The following C6 variants were observed in gnomAD, a reference collection of about 807,000 sequenced individuals.
C6 encodes complement component C6.
A neutral mutation model predicts 112.9 loss-of-function variants in C6; 101 were observed. That is an observed-to-expected ratio of 0.89 (90% CI 0.76 to 1.06). C6 has a LOEUF of 1.06. C6 is among the 50% of genes least tolerant of loss of function. The pLI is 0.00. For synonymous variants in C6, 431 were observed against 384.1 expected (o/e 1.12, Z -1.43); for missense variants, 1,202 against 1,104.6 (o/e 1.09, Z -1.25).
chr5:41,172,008 G>T (rs985639813), intron 9 of C6, among the ~76,000 whole-genome samples: 1 of 152,248 alleles, frequency 6.6e-6, no homozygotes, highest in South Asian at 2.1e-4. Context: ...TCATTAAACA[G>T]CCTAAGTATG....
intron 1 of C6, among the ~76,000 whole-genome samples, chr5:41,208,794 AAGG>A (rs945931224): frequency 1.3e-5 from 2 of 152,122 alleles, no homozygotes; most frequent in African/African-American, 2.4e-5. Context: ...CCAGAGGTAC[AAGG>A]AGGAGCTGGT....
upstream of C6, chr5:41,213,673 A>AAGGGCTATTG (rs1752076962): frequency 2.9e-6 from 1 of 350,560 alleles, no homozygotes. Context: ...TTTTCAATTC[A>AAGGGCTATTG]AGGGCTATTG....
chr5:41,226,436 TAA>T (rs1273123188), intron 1 of C6, among the ~76,000 whole-genome samples: 1 of 152,146 alleles, frequency 6.6e-6, no homozygotes, highest in East Asian at 1.9e-4. Flanking sequence ...TGGCGATCAT[TAA>T]AAAGTCAGGA....
chr5:41,144,580 T>G (rs1189301282), intron 17 of C6, among the ~76,000 whole-genome samples: 1 of 152,196 alleles, frequency 6.6e-6, no homozygotes, highest in Non-Finnish European at 1.5e-5. Flanking sequence ...TTTTCTCTTT[T>G]TTCTTTTTCT....
intron 1 of C6, among the ~76,000 whole-genome samples, chr5:41,245,497 G>C (rs868333840): frequency 6.2e-5 from 4 of 64,726 alleles, no homozygotes; most frequent in Non-Finnish European, 6.8e-5. Context: ...CTCCAGCCTG[G>C]GCAAAAAGAA....
chr5:41,180,269 T>C (rs6883180), intron 7 of C6, among the ~76,000 whole-genome samples: 55,197 of 152,008 alleles, frequency 0.36, 10,315 homozygotes, highest in Non-Finnish European at 0.41. Context: ...GTACCTCTAT[T>C]TCCTCCCTCT....
intron 6 of C6, among the ~76,000 whole-genome samples, chr5:41,185,658 C>T (rs1357987056): frequency 6.6e-6 from 1 of 152,012 alleles, no homozygotes; most frequent in Non-Finnish European, 1.5e-5. Context: ...TTCTTATGAG[C>T]CTGGCACTTT....
chr5:41,229,720 C>G (rs566855977), intron 1 of C6, among the ~76,000 whole-genome samples: 2 of 152,098 alleles, frequency 1.3e-5, no homozygotes, highest in Admixed American at 1.3e-4. Context: ...TTCAAATCTT[C>G]GGCTTCCTTA....
upstream of C6, among the ~76,000 whole-genome samples, chr5:41,217,173 T>A (rs932904539): frequency 6.6e-6 from 1 of 152,140 alleles, no homozygotes; most frequent in Non-Finnish European, 1.5e-5. Flanking sequence ...TTTTCTACAT[T>A]TCACAATCAT....
intron 1 of C6, among the ~76,000 whole-genome samples, chr5:41,211,457 G>T (rs1433941655): frequency 6.6e-6 from 1 of 151,892 alleles, no homozygotes; most frequent in Admixed American, 6.6e-5. Context: ...TAAGTAACTC[G>T]CCTTTCCTGG....
Position 41,238,585 on chromosome 5 carries a change from G to T in C6, c.-21+22609C>A, listed in dbSNP as rs558208598. ...AGGAAGAGAAGAGACAAAGGGTTCA[G>T]GAAGTGATGGAGAAGAGGTGAGACA... On this transcript the variant is annotated intron_variant, in intron 1 of 17. Coordinates refer to the C6 transcript ENST00000263413. Among the ~76,000 whole-genome samples the T allele has an allele frequency of 2.1e-3, 323 of 152,292 alleles. 2 individuals carry two copies. Among genetic ancestry groups the T allele is most frequent in the Non-Finnish European group, 4.0e-3 (273 of 68,030 alleles).
intron 5 of C6, among the ~76,000 whole-genome samples, chr5:41,188,209 A>G (rs1749932918): frequency 6.6e-6 from 1 of 152,144 alleles, no homozygotes; most frequent in Non-Finnish European, 1.5e-5. Flanking sequence ...TACTTCCCAA[A>G]TTGATTTATA....
intron 1 of C6, among the ~76,000 whole-genome samples, chr5:41,211,318 C>T (rs1358660482): frequency 6.6e-6 from 1 of 151,116 alleles, no homozygotes; most frequent in Non-Finnish European, 1.5e-5. Context: ...AGTACACCAA[C>T]ATGGCATATG....
intron 15 of C6, among the ~76,000 whole-genome samples, chr5:41,151,709 A>G (rs1429476769): frequency 2.0e-5 from 3 of 152,188 alleles, no homozygotes; most frequent in Non-Finnish European, 1.5e-5. Flanking sequence ...AACTCCAGTG[A>G]TTAATGTCCA....
chr5:41,238,724 A>G (rs1429399566), intron 1 of C6, among the ~76,000 whole-genome samples: 2 of 152,232 alleles, frequency 1.3e-5, no homozygotes, highest in East Asian at 3.9e-4. Context: ...CATTGAAAGT[A>G]GAATTAGAAA....
intron 6 of C6, among the ~76,000 whole-genome samples, chr5:41,182,434 T>A (rs1479649830): frequency 6.6e-6 from 1 of 152,180 alleles, no homozygotes; most frequent in East Asian, 1.9e-4. Context: ...ACCTAACTTG[T>A]CTTGATTAAA....
chr5:41,153,847 C>T lies in C6; in HGVS notation c.2253G>A (p.Trp751Ter). ...TGAGAGAGTTTGAAATGGGTGGTGT[C>T]CAGGAATTCCCCTGGCATGTGTACC... ...PSRYTCQGNS[W>*]TPPISNSLTC... Residue 751 changes from tryptophan to a stop codon, truncating the protein, a stop_gained, in exon 15 of 18, where the codon TGG (tryptophan) becomes TGA (stop). Transcript: ENST00000337836. LOFTEE classifies it high-confidence loss of function. 1 of 1,613,434 alleles carries T rather than the reference C, an allele frequency of 6.2e-7. No homozygotes were observed. Among genetic ancestry groups the T allele is most frequent in the Non-Finnish European group, 8.5e-7 (1 of 1,179,766 alleles).
intron 9 of C6, among the ~76,000 whole-genome samples, chr5:41,169,074 TC>T (rs1748210747): frequency 6.6e-6 from 1 of 152,022 alleles, no homozygotes; most frequent in South Asian, 2.1e-4. Flanking sequence ...TGAGGAAGAT[TC>T]AAAGGATATG....
chr5:41,144,999 G>A (rs973311714), intron 17 of C6, among the ~76,000 whole-genome samples: 2 of 152,128 alleles, frequency 1.3e-5, no homozygotes, highest in African/African-American at 4.8e-5. Context: ...TGGGTATTTA[G>A]GTTGAGTCTA....
Sources: allele counts gnomAD v4.1 joint callset (sites outside exome capture counted in the v4.1 genomes callset), GRCh38; gene constraint gnomAD v4.1.1; transcripts MANE v1.5; gene names NCBI Gene and HGNC (gene_info 2026-07-23, HGNC 2026-07-21).